NGLY1: variants seen among roughly 807,000 people sequenced by gnomAD.
NGLY1 encodes the protein N-glycanase 1.
A neutral mutation model predicts 84.6 loss-of-function variants in NGLY1; 68 were observed. The observed-to-expected ratio is 0.80, with a 90% CI of 0.66 to 0.98. The LOEUF (loss-of-function observed/expected upper bound fraction) is 0.98. Among genes scored for constraint, NGLY1 ranks in the 50% least tolerant of loss-of-function variants. The pLI is 0.00. For synonymous variants in NGLY1, 280 were observed against 275.2 expected, an observed-to-expected ratio of 1.02 and a Z score of -0.17; for missense variants, 779 against 770.2, an observed-to-expected ratio of 1.01 and a Z score of -0.14.
At position 25,783,418 on chromosome 3, in the gene NGLY1, G is replaced by C. The variant is rs766094136; in HGVS notation, c.-28C>G. 1.3e-6 allele frequency: 2 copies of C among 1,519,216 alleles called. No individual in the cohort carries two copies. Among genetic ancestry groups the C allele is most frequent in the South Asian group, 1.2e-5 (1 of 82,588 alleles). 94.1% of individuals were successfully genotyped at this position (1,519,216 alleles called of 1,614,324 possible). On this transcript the variant is annotated 5_prime_UTR_variant, in exon 1 of 12. Coordinates refer to ENST00000280700, the MANE Select transcript of NGLY1 (RefSeq NM_018297.4). This position sits in a 1 kb window ranked among gnomAD's most constrained non-coding sequence, Gnocchi z 4.5. ...TTGAGCGCCAGCGGGCGCCGCCGCC[G>C]CCCCTCGCTCTCCGCGTCCCACACT...
chr3:25,741,231 A>C (rs947976021), intron 4 of NGLY1, among the ~76,000 whole-genome samples: 1 of 152,124 alleles, frequency 6.6e-6, no homozygotes, highest in African/African-American at 2.4e-5. Context: ...AAGAATCATA[A>C]GGTAAATTTG....
chr3:25,763,959 C>A, intron 3 of NGLY1, 107 bp downstream of exon 3: 4 of 1,424,894 alleles, frequency 2.8e-6, no homozygotes, highest in South Asian at 1.4e-5. Context: ...GAACTAAGAA[C>A]AAAATATGGG....
At chr3:25,770,595 T>C (rs1321649029) in intron 2 of NGLY1, among the ~76,000 whole-genome samples, 1 of 152,216 alleles carries the variant, frequency 6.6e-6, no homozygotes, top group African/African-American at 2.4e-5. Flanking sequence ...AGTACAGGAA[T>C]TGCTAGATCA....
rs34986608 is a variant in NGLY1 at position 25,754,664 on chromosome 3, GAA to G, written c.493-3403_493-3402del. Among the ~76,000 whole-genome samples, 62 of 145,830 alleles carry G rather than the reference GAA, an allele frequency of 4.3e-4. 1 individual carries two copies. The highest frequency in any genetic ancestry group is 7.4e-4 in the Admixed American group (11 of 14,836). On this transcript the variant is annotated intron_variant, in intron 3 of 11. Transcript: ENST00000280700. Reference sequence around the variant, plus strand: ...ATTAGGGTAGTTTTACAACTGTTAGGAAAAAAAAAAAAGCAAATGGATATGAA... The same window carrying G: ...ATTAGGGTAGTTTTACAACTGTTAGGAAAAAAAAAAGCAAATGGATATGAA...
intron 3 of NGLY1, chr3:25,755,445 C>T: frequency 6.8e-7 from 1 of 1,464,406 alleles, no homozygotes; most frequent in Non-Finnish European, 9.6e-7. Flanking sequence ...GTTTCAACTC[C>T]AATGTCAGTG....
chr3:25,767,328 A>G (rs1014167733), intron 2 of NGLY1, among the ~76,000 whole-genome samples: 5 of 152,008 alleles, frequency 3.3e-5, no homozygotes, highest in Admixed American at 2.6e-4. Context: ...GAATTCTAGT[A>G]TTTAACAAAT....
At chr3:25,780,108 G>C (rs1355108499) in intron 1 of NGLY1, among the ~76,000 whole-genome samples, 1 of 152,164 alleles carries the variant, frequency 6.6e-6, no homozygotes, top group Admixed American at 6.5e-5. Context: ...CAAAAACATT[G>C]TTCTTTACTA....
intron 8 of NGLY1, 122 bp from the exon 9 acceptor site, chr3:25,732,605 AT>A: frequency 3.4e-6 from 2 of 594,606 alleles, no homozygotes; most frequent in Non-Finnish European, 5.6e-6. Context: ...ACTGAATTTT[AT>A]TTTCAAACAT....
chr3:25,785,281 C>CA (rs1439403172), upstream of NGLY1, among the ~76,000 whole-genome samples: 13 of 150,122 alleles, frequency 8.7e-5, no homozygotes, highest in East Asian at 3.9e-4. Flanking sequence ...GCCAGATTTA[C>CA]AAAAAATAAA....
intron 4 of NGLY1, among the ~76,000 whole-genome samples, chr3:25,746,548 T>C (rs1575629515): frequency 1.3e-5 from 2 of 152,218 alleles, no homozygotes; most frequent in Admixed American, 1.3e-4. Context: ...GCAGGGAACA[T>C]CAGCAGATTT....
At chr3:25,730,234 A>C (rs1447721290) in intron 9 of NGLY1, 3 of 152,218 alleles carry the variant, frequency 2.0e-5, no homozygotes, top group African/African-American at 7.2e-5. Flanking sequence ...AAATGATAGT[A>C]CCAATGTTTC....
chr3:25,726,867 T>C (rs1369766775), intron 10 of NGLY1, among the ~76,000 whole-genome samples: 2 of 152,238 alleles, frequency 1.3e-5, no homozygotes, highest in Non-Finnish European at 2.9e-5. Flanking sequence ...TTAGTTTTTA[T>C]ATGCTTTTCA....
rs376678889 is a variant in NGLY1, at chr3:25,751,185, G to A, written c.571C>T (p.Gln191Ter). ...GGAATACAAGCCAACGCTTTCTCCT[G>A]AAGAGCAGGATTTTCATAGACCAGC... ...HVLVYENPALQEKALACIPVQ... is the reference protein window; with the variant it reads ...HVLVYENPAL Residue 191 changes from glutamine (Q) to a stop codon, truncating the protein, a stop_gained, in exon 4 of 12, where the codon CAG becomes TAG. Transcript: ENST00000280700. LOFTEE classifies it high-confidence loss of function. The A allele has an allele frequency of 1.1e-5, 17 of 1,613,412 alleles. No individual in the cohort carries two copies. The highest frequency in any genetic ancestry group is 3.3e-5 in the South Asian group (3 of 91,034).
At position 25,719,369 on chromosome 3, in the gene NGLY1, G is replaced by T; in HGVS notation, c.*91C>A. 1.0e-6 allele frequency: 1 copy of T among 990,080 alleles called. No homozygotes were observed. The highest frequency in any genetic ancestry group is 2.4e-5 in the East Asian group (1 of 41,472). 61.3% of individuals were successfully genotyped at this position (990,080 alleles called of 1,614,324 possible). A position where few individuals can be genotyped will look rare whatever the true frequency, so the allele number is the denominator to read the frequency against. On this transcript the variant is annotated 3_prime_UTR_variant, in exon 12 of 12. Coordinates refer to ENST00000280700, the MANE Select transcript of NGLY1 (RefSeq NM_018297.4). ...TAGCAAAAGAAATATGCTAGCACAGGGTGGTAACTGCCAACTAAGCATGCA... is the reference window on the plus strand; with the variant it reads ...TAGCAAAAGAAATATGCTAGCACAGTGTGGTAACTGCCAACTAAGCATGCA...
At chr3:25,763,611 T>C (rs1356541722) in intron 3 of NGLY1, among the ~76,000 whole-genome samples, 2 of 152,228 alleles carry the variant, frequency 1.3e-5, no homozygotes, top group African/African-American at 4.8e-5. Flanking sequence ...GAGATTTTTG[T>C]AAACAGGATA....
At chr3:25,748,952 T>G (rs1167789197) in intron 4 of NGLY1, among the ~76,000 whole-genome samples, 1 of 152,002 alleles carries the variant, frequency 6.6e-6, no homozygotes, top group East Asian at 1.9e-4. Flanking sequence ...AATAAACATT[T>G]CTCCAAAGAA....
At position 25,719,354 on chromosome 3, in the gene NGLY1, A is replaced by T. The variant is rs1420790870; in HGVS notation, c.*106T>A. The T allele has an allele frequency of 2.5e-6, 2 of 793,354 alleles. No individual in the cohort carries two copies. The highest frequency in any genetic ancestry group is 5.0e-5 in the East Asian group (2 of 39,878). The allele number at this position is 793,354 out of a possible 1,614,324, so 49.1% of individuals were successfully genotyped here. A position where few individuals can be genotyped will look rare whatever the true frequency, so the allele number is the denominator to read the frequency against. On this transcript the variant is annotated 3_prime_UTR_variant, in exon 12 of 12. Coordinates refer to ENST00000280700, the MANE Select transcript of NGLY1 (RefSeq NM_018297.4). ...TACATGATGGATAGCTAGCAAAAGA[A>T]ATATGCTAGCACAGGGTGGTAACTG... is the stretch of plus-strand genomic sequence containing the variant.
At chr3:25,734,030 A>C in intron 7 of NGLY1, 48 bp from the exon 8 acceptor site, 1 of 1,597,400 alleles carries the variant, frequency 6.3e-7, no homozygotes, top group Non-Finnish European at 8.5e-7. Context: ...TACAACCATC[A>C]ACCTTTACTT....
At chr3:25,742,456 C>T (rs1190326979) in intron 4 of NGLY1, among the ~76,000 whole-genome samples, 1 of 152,098 alleles carries the variant, frequency 6.6e-6, no homozygotes, top group Non-Finnish European at 1.5e-5. Flanking sequence ...TTTAAATAAA[C>T]CCCACACAAC....
Sources: gnomAD v4.1 joint callset for allele counts (sites outside exome capture counted in the v4.1 genomes callset) on GRCh38, gnomAD v4.1.1 for gene constraint, Gnocchi (gnomAD v3.1) non-coding constraint, MANE v1.5 for transcripts, NCBI Gene and HGNC (gene_info 2026-07-23, HGNC 2026-07-21) for gene names.